Variants in PRPF31 observed in about 807,000 individuals in gnomAD.
PRPF31 encodes the protein pre-mRNA processing factor 31.
Under a neutral mutation model 60.4 loss-of-function variants are expected in PRPF31, and 12 were observed. The observed-to-expected ratio is 0.20, with a 90% CI of 0.13 to 0.32. The LOEUF (loss-of-function observed/expected upper bound fraction) is 0.32. Ranked by LOEUF, PRPF31 falls within the 10% of genes least tolerant of loss-of-function variation. PRPF31 has a pLI of 1.00. For missense variants in PRPF31, 431 were observed against 687.1 expected, an observed-to-expected ratio of 0.63 and a Z score of 4.17; for synonymous variants, 287 against 287.9, an observed-to-expected ratio of 1.00 and a Z score of 0.03.
chr19:54,121,827 G>C lies in PRPF31; in HGVS notation c.239-33G>C, dbSNP rs187338401. ...GGACCCGAGAGGGGGTAGGGATTTA[G>C]ATACTCACACCCATGCCTCCGTGTC... is the stretch of plus-strand genomic sequence containing the variant. On this transcript the variant is annotated intron_variant, in intron 3 of 13. Coordinates refer to ENST00000321030, the MANE Select transcript of PRPF31 (RefSeq NM_015629.4). 21 of 1,583,608 alleles carry C rather than the reference G, an allele frequency of 1.3e-5. No individual in the cohort carries two copies. The African/African-American group carries it at 2.8e-4, about 21-fold the overall frequency.
chr19:54,127,025 CAGG>C (rs1418976811), intron 9 of PRPF31, among the ~76,000 whole-genome samples: 1 of 152,190 alleles, frequency 6.6e-6, no homozygotes, highest in Admixed American at 6.5e-5. Flanking sequence ...GAGGCTGAGG[CAGG>C]AGAATTGCTT....
intron 3 of PRPF31, 82 bp from the exon 4 acceptor site, chr19:54,121,778 C>G: frequency 7.2e-7 from 1 of 1,381,056 alleles, no homozygotes; most frequent in South Asian, 1.2e-5. Context: ...CTCCCAACTT[C>G]ATCCTCCGCC....
Position 54,128,356 on chromosome 19 carries a change from C to T in PRPF31, c.1125C>T (p.Ala375=). Residue 375 remains alanine (A), a synonymous_variant, in exon 11 of 14, where the codon GCC becomes GCT. Transcript: ENST00000321030. ...GGCTGACGGAGATCCGGAAGCAGGC[C>T]AACCGTATGAGCTTCGGAGAGGTCA... ...RLGLTEIRKQ[A]NRMSFGEIEE... 1 of 1,548,002 alleles carries T rather than the reference C, an allele frequency of 6.5e-7. No homozygotes were observed. The highest frequency in any genetic ancestry group is 8.7e-7 in the Non-Finnish European group (1 of 1,146,656).
intron 6 of PRPF31, 90 bp from the exon 7 acceptor site, chr19:54,123,655 CACAT>C: frequency 1.3e-6 from 2 of 1,586,364 alleles, no homozygotes; most frequent in Non-Finnish European, 1.7e-6. Flanking sequence ...CACACATACA[CACAT>C]GCACACACAC....
In PRPF31 at chr19:54,118,393, A is replaced by G; in HGVS notation, c.115A>G (p.Thr39Ala). Residue 39 changes from threonine (T) to alanine (A), a missense_variant, in exon 2 of 14, where the codon ACA becomes GCA. By Grantham distance (58) the Thr-to-Ala change is moderately conservative. This residue lies in a region of PRPF31 where 113 missense variants were observed against 173.8 expected (regional missense o/e 0.65). Transcript: ENST00000321030. Reference protein sequence around the residue: ...EPAIEDVQEETQLDLSGDSVK... With the variant: ...EPAIEDVQEEAQLDLSGDSVK... ...AGCGATCGAGGATGTGCAGGAGGAG[A>G]CACAGCTGGATCTTTCCGGGGATTC... The G allele has an allele frequency of 6.2e-7, 1 of 1,614,140 alleles. No homozygotes were observed. Among genetic ancestry groups the G allele is most frequent in the Non-Finnish European group, 8.5e-7 (1 of 1,180,024 alleles).
At chr19:54,118,481 C>A (rs367751342) in intron 2 of PRPF31, 26 bp downstream of exon 2, 24 of 1,613,898 alleles carry the variant, frequency 1.5e-5, no homozygotes, top group African/African-American at 2.7e-5. Flanking sequence ...GTGTTCCTAG[C>A]AGGGGGCTCT....
rs62144169 is a variant in PRPF31 at position 54,131,584 on chromosome 19, G to T, written c.*152G>T. 5.0e-5 allele frequency: 61 copies of T among 1,217,534 alleles called. No individual in the cohort carries two copies. The highest frequency in any genetic ancestry group is 6.9e-5 in the Non-Finnish European group (59 of 854,814). The allele number at this position is 1,217,534 out of a possible 1,614,324, so 75.4% of individuals were successfully genotyped here. A position where few individuals can be genotyped will look rare whatever the true frequency, so the allele number is the denominator to read the frequency against. On this transcript the variant is annotated 3_prime_UTR_variant, in exon 14 of 14. Coordinates refer to ENST00000321030, the MANE Select transcript of PRPF31 (RefSeq NM_015629.4). ...CAGGGAGGAGGCCTTGGAAGAGTCC[G>T]GCCTGGCCTCCCCCAGGACCGAGAT...
intron 10 of PRPF31, 26 bp from the exon 11 acceptor site, chr19:54,128,279 G>C: frequency 1.9e-6 from 3 of 1,551,442 alleles, no homozygotes; most frequent in Non-Finnish European, 2.6e-6. Context: ...CCGACTCCCT[G>C]GCGCCGCCCA....
At chr19:54,126,990 C>T (rs920537529) in intron 9 of PRPF31, among the ~76,000 whole-genome samples, 5 of 152,106 alleles carry the variant, frequency 3.3e-5, no homozygotes, top group South Asian at 4.1e-4. Context: ...TGTGGTGGCA[C>T]GCACCTGTAA....
At chr19:54,118,774 G>A (rs2073715349) in intron 3 of PRPF31, 141 bp downstream of exon 3, 6 of 771,488 alleles carry the variant, frequency 7.8e-6, no homozygotes, top group South Asian at 6.5e-5. Flanking sequence ...ACCCCAACCC[G>A]TTCCCTTTTC....
chr19:54,124,968 C>G (rs1284176875), intron 8 of PRPF31: 4 of 528,438 alleles, frequency 7.6e-6, no homozygotes, highest in East Asian at 3.3e-5. Context: ...CAGTTCAGGC[C>G]TAGCTCACGA....
Position 54,124,870 on chromosome 19 carries a change from C to G in PRPF31, c.855+214C>G, listed in dbSNP as rs587683756. The G allele has an allele frequency of 2.2e-5, 14 of 626,646 alleles. No homozygotes were observed. In the East Asian group the frequency reaches 3.6e-4, roughly 16 times the overall value. The allele number at this position is 626,646 out of a possible 1,614,324, so 38.8% of individuals were successfully genotyped here. A position where few individuals can be genotyped will look rare whatever the true frequency, so the allele number is the denominator to read the frequency against. On this transcript the variant is annotated intron_variant, in intron 8 of 13. Coordinates refer to ENST00000321030, the MANE Select transcript of PRPF31 (RefSeq NM_015629.4). ...ACTGTGGGCAAGAGGCATGAGCGCC[C>G]TGTGCCTCAGTCTCCTCCCCTATCA...
intron 9 of PRPF31, 27 bp downstream of exon 9, chr19:54,126,644 C>A: frequency 6.2e-7 from 1 of 1,602,612 alleles, no homozygotes; most frequent in East Asian, 2.2e-5. Flanking sequence ...GAGGGGCGGC[C>A]GGGCGTCTTT....
At chr19:54,129,427 C>T (rs2074002319) in intron 13 of PRPF31, 57 bp downstream of exon 13, 1 of 1,531,834 alleles carries the variant, frequency 6.5e-7, no homozygotes, top group Non-Finnish European at 8.8e-7. Context: ...AGGCCCCTTG[C>T]CCTCTGCCCC....
At position 54,121,292 on chromosome 19, in the gene PRPF31, A is replaced by G. The variant is rs73611032; in HGVS notation, c.239-568A>G. Among the ~76,000 whole-genome samples, 455 of 124,250 alleles carry G rather than the reference A, an allele frequency of 3.7e-3. 2 individuals are homozygous for G. Among genetic ancestry groups the G allele is most frequent in the African/African-American group, 0.014 (423 of 31,108 alleles). The allele number at this position is 124,250 out of a possible 152,430, so 81.5% of individuals were successfully genotyped here. On this transcript the variant is annotated intron_variant, in intron 3 of 13. Coordinates refer to ENST00000321030, the MANE Select transcript of PRPF31 (RefSeq NM_015629.4). ...TACTCTAGCCTGGGCAACCAGAGCGAAATTATGTCTCAAAAAAAAAAAAAA... is the reference window on the plus strand; with the variant it reads ...TACTCTAGCCTGGGCAACCAGAGCGGAATTATGTCTCAAAAAAAAAAAAAA...
chr19:54,128,952 G>A (rs1201893488), intron 11 of PRPF31, 105 bp from the exon 12 acceptor site: 58 of 1,239,394 alleles, frequency 4.7e-5, no homozygotes, highest in African/African-American at 7.5e-5. Flanking sequence ...CCGTGGGACC[G>A]GCCGGCTGGT....
Position 54,129,275 on chromosome 19 carries a change from A to G in PRPF31, c.1279A>G (p.Thr427Ala). The G allele has an allele frequency of 1.2e-6, 2 of 1,611,118 alleles. No individual in the cohort carries two copies. The highest frequency in any genetic ancestry group is 1.7e-6 in the Non-Finnish European group (2 of 1,179,332). ...KARISKTLQR[T>A]LQKQSVVYGG... ...AGCCTCCCTGTCCTCCCCACAGCGG[A>G]CCCTGCAGAAGCAGAGCGTCGTATA... is the stretch of plus-strand genomic sequence containing the variant. The change falls in exon 13 of 14, where the codon ACC (threonine) becomes GCC (alanine). Residue 427 changes from threonine to alanine, a missense_variant. By Grantham distance (58) the Thr-to-Ala change is moderately conservative. Transcript: ENST00000321030.
At chr19:54,126,920 G>A (rs959207889) in intron 9 of PRPF31, among the ~76,000 whole-genome samples, 2 of 152,220 alleles carry the variant, frequency 1.3e-5, no homozygotes, top group African/African-American at 4.8e-5. Context: ...CACAAGGTCA[G>A]GAGTTTGAGA....
chr19:54,123,132 C>A, intron 5 of PRPF31: 1 of 532,948 alleles, frequency 1.9e-6, no homozygotes, highest in Non-Finnish European at 3.4e-6. Context: ...GGGGAAGCCC[C>A]TGCAGGGAAG....
Sources: gnomAD v4.1 joint callset for allele counts (sites outside exome capture counted in the v4.1 genomes callset) on GRCh38, gnomAD v4.1.1 for gene constraint, gnomAD v4.1.1 regional missense constraint, MANE v1.5 for transcripts, NCBI Gene and HGNC (gene_info 2026-07-23, HGNC 2026-07-21) for gene names.